Variants in B3GALT1 observed in about 807,000 individuals in gnomAD.
B3GALT1 encodes UDP-Gal:betaGlcNAc beta 1,3-galactosyltransferase, polypeptide 1.
Under a neutral mutation model 23.2 loss-of-function variants are expected in B3GALT1, and 10 were observed. The ratio of observed to expected loss-of-function variants is 0.43; its 90% CI spans 0.27 to 0.73. The LOEUF (loss-of-function observed/expected upper bound fraction) is 0.73, where lower values mean the gene tolerates loss of function less well. B3GALT1 is among the 30% of genes least tolerant of loss of function. The probability of loss-of-function intolerance (pLI) is 0.21; values close to 1 mark genes in which losing one functional copy is unlikely to be tolerated. For synonymous variants in B3GALT1, 156 were observed against 141.5 expected (o/e 1.10, Z -0.73); for missense variants, 299 against 405.4 (o/e 0.74, Z 2.25).
intron 2 of B3GALT1, among the ~76,000 whole-genome samples, chr2:167,599,010 G>T (rs3948385): frequency 6.6e-6 from 1 of 152,096 alleles, no homozygotes. Context: ...TAAAATATTA[G>T]ATATAGAGAG....
At chr2:167,617,791 C>G (rs1002180130) in intron 2 of B3GALT1, among the ~76,000 whole-genome samples, 1 of 152,018 alleles carries the variant, frequency 6.6e-6, no homozygotes, top group African/African-American at 2.4e-5. Flanking sequence ...AGGTTCTAAT[C>G]TACTCCACAC....
intron 3 of B3GALT1, among the ~76,000 whole-genome samples, chr2:167,709,389 G>C (rs1314557144): frequency 1.3e-5 from 2 of 152,204 alleles, no homozygotes; most frequent in Admixed American, 6.5e-5. Flanking sequence ...GAGAGGGAAG[G>C]AAGGTGACTA....
chr2:167,703,073 G>A (rs1443178922), intron 3 of B3GALT1, among the ~76,000 whole-genome samples: 1 of 152,182 alleles, frequency 6.6e-6, no homozygotes, highest in Admixed American at 6.5e-5. Context: ...TAGGGCATCA[G>A]GGGGACAATC....
Position 167,731,018 on chromosome 2 carries a change from A to G in B3GALT1, c.-352+84052A>G, listed in dbSNP as rs182436021. Among the ~76,000 whole-genome samples, 331 of 152,278 alleles carry G rather than the reference A, an allele frequency of 2.2e-3. 3 individuals are homozygous for G. Among genetic ancestry groups the G allele is most frequent in the African/African-American group, 7.7e-3 (320 of 41,560 alleles). On this transcript the variant is annotated intron_variant, in intron 3 of 4. Coordinates refer to ENST00000392690, the MANE Select transcript of B3GALT1 (RefSeq NM_020981.4). Reference sequence around the variant, plus strand: ...GAAACTGAGTTGTAAGAGATCATGTAAGCCCCTCAAGCTAGTAAGTGGTGC... The same window carrying G: ...GAAACTGAGTTGTAAGAGATCATGTGAGCCCCTCAAGCTAGTAAGTGGTGC...
intron 2 of B3GALT1, among the ~76,000 whole-genome samples, chr2:167,637,547 T>C (rs758181554): frequency 3.9e-5 from 6 of 152,032 alleles, no homozygotes; most frequent in Non-Finnish European, 7.4e-5. Context: ...AAATATACAA[T>C]ACATTGTTGT....
In B3GALT1 at chr2:167,549,152, A is replaced by C. The variant is rs532787224; in HGVS notation, c.-410+58875A>C. On this transcript the variant is annotated intron_variant, in intron 2 of 4. Transcript: ENST00000392690. ...CAAAAAATATTTAGAGAATTGTATT[A>C]AATGAATTATCAATGTTTGTTAGCT... Among the ~76,000 whole-genome samples, 6 of 152,354 alleles carry C rather than the reference A, an allele frequency of 3.9e-5. No homozygotes were observed. In the South Asian group the frequency reaches 1.2e-3, roughly 32 times the overall value.
At chr2:167,440,029 T>G (rs1698853962) in intron 1 of B3GALT1, among the ~76,000 whole-genome samples, 1 of 152,134 alleles carries the variant, frequency 6.6e-6, no homozygotes, top group African/African-American at 2.4e-5. Flanking sequence ...TTGTTTTGTT[T>G]TATTTTGAAA....
At chr2:167,539,272 TGGACTG>T (rs1235491305) in intron 2 of B3GALT1, among the ~76,000 whole-genome samples, 1 of 151,792 alleles carries the variant, frequency 6.6e-6, no homozygotes, top group Non-Finnish European at 1.5e-5. Flanking sequence ...AAAAAAAAAT[TGGACTG>T]GGACAGAGTT....
intron 1 of B3GALT1, among the ~76,000 whole-genome samples, chr2:167,406,983 T>A (rs1288716026): frequency 6.6e-6 from 1 of 152,178 alleles, no homozygotes; most frequent in Admixed American, 6.5e-5. Flanking sequence ...ACATACCCTA[T>A]CTAATAGGCC....
chr2:167,653,020 T>G (rs1393266168), intron 3 of B3GALT1, among the ~76,000 whole-genome samples: 2 of 152,136 alleles, frequency 1.3e-5, no homozygotes, highest in Non-Finnish European at 2.9e-5. Flanking sequence ...AATACCTGAG[T>G]GCCTACACAT....
intron 3 of B3GALT1, chr2:167,714,046 A>T: frequency 6.5e-6 from 10 of 1,538,462 alleles, no homozygotes; most frequent in Non-Finnish European, 9.0e-6. Context: ...AATCAGGCAC[A>T]TTTAAATGAC....
intron 3 of B3GALT1, among the ~76,000 whole-genome samples, chr2:167,816,111 A>G (rs982521577): frequency 2.6e-5 from 4 of 152,318 alleles, no homozygotes; most frequent in Middle Eastern, 3.4e-3. Context: ...TTCTTGTACA[A>G]TACGTTCCCA....
chr2:167,725,232 A>G (rs1017145208), intron 3 of B3GALT1, among the ~76,000 whole-genome samples: 1 of 152,140 alleles, frequency 6.6e-6, no homozygotes, highest in African/African-American at 2.4e-5. Context: ...AAAGCCATAT[A>G]TGAAGCCCAT....
intron 1 of B3GALT1, among the ~76,000 whole-genome samples, chr2:167,320,810 C>T (rs1696799176): frequency 6.6e-6 from 1 of 151,924 alleles, no homozygotes; most frequent in Non-Finnish European, 1.5e-5. Flanking sequence ...GTCATTGCCA[C>T]TATGTAATGG....
intron 3 of B3GALT1, among the ~76,000 whole-genome samples, chr2:167,654,383 C>G (rs1302616338): frequency 6.6e-6 from 1 of 152,184 alleles, no homozygotes; most frequent in Non-Finnish European, 1.5e-5. Flanking sequence ...AGGCTTTCTG[C>G]TCCCCACTTC....
intron 1 of B3GALT1, among the ~76,000 whole-genome samples, chr2:167,392,956 C>A (rs760098030): frequency 6.6e-6 from 1 of 152,032 alleles, no homozygotes; most frequent in African/African-American, 2.4e-5. Flanking sequence ...AATGTTTAGC[C>A]GGGCGCAGTG....
intron 2 of B3GALT1, among the ~76,000 whole-genome samples, chr2:167,560,094 A>T (rs1052693983): frequency 1.3e-5 from 2 of 152,252 alleles, no homozygotes; most frequent in Non-Finnish European, 2.9e-5. Flanking sequence ...CCATCAGACT[A>T]ACAGCAGATC....
intron 3 of B3GALT1, among the ~76,000 whole-genome samples, chr2:167,718,735 T>A (rs148508550): frequency 6.8e-6 from 1 of 146,240 alleles, no homozygotes; most frequent in Non-Finnish European, 1.6e-5. Context: ...CTAATGGTCA[T>A]CAACTGGGTC....
chr2:167,523,533 C>A (rs1487987586), intron 2 of B3GALT1, among the ~76,000 whole-genome samples: 1 of 151,720 alleles, frequency 6.6e-6, no homozygotes, highest in Non-Finnish European at 1.5e-5. Flanking sequence ...TGAAGCAATT[C>A]TCCTGCCTCA....
Sources: gnomAD v4.1 joint callset for allele counts (sites outside exome capture counted in the v4.1 genomes callset) on GRCh38, gnomAD v4.1.1 for gene constraint, MANE v1.5 for transcripts, NCBI Gene and HGNC (gene_info 2026-07-23, HGNC 2026-07-21) for gene names.